Variants in HMG20A observed in about 807,000 individuals in gnomAD.
HMG20A encodes high mobility group 20A.
Under a neutral mutation model 43.9 loss-of-function variants are expected in HMG20A, and 17 were observed. The observed-to-expected ratio is 0.39, with a 90% CI of 0.27 to 0.58. HMG20A has a LOEUF of 0.58. Ranked by LOEUF, HMG20A falls within the 20% of genes least tolerant of loss-of-function variation. The probability of loss-of-function intolerance (pLI) is 0.59; values close to 1 mark genes in which losing one functional copy is unlikely to be tolerated. For synonymous variants in HMG20A, 132 were observed against 147.5 expected (o/e 0.89, Z 0.76); for missense variants, 341 against 438.2 (o/e 0.78, Z 1.98).
the HMG20A span, among the ~76,000 whole-genome samples, chr15:77,508,979 G>A: frequency 1.3e-5 from 2 of 152,188 alleles, no homozygotes; most frequent in Non-Finnish European, 2.9e-5. Flanking sequence ...TGGCCCCTTT[G>A]TTAACTCAGC....
chr15:77,470,763 C>G (rs886494675), intron 4 of HMG20A, 147 bp from the exon 5 acceptor site: 1 of 601,632 alleles, frequency 1.7e-6, no homozygotes, highest in East Asian at 3.3e-5. Flanking sequence ...TCATACAACT[C>G]TTGTTTTTCT....
chr15:77,422,235 C>G (rs1325732899), intron 1 of HMG20A, among the ~76,000 whole-genome samples: 1 of 152,108 alleles, frequency 6.6e-6, no homozygotes, highest in Non-Finnish European at 1.5e-5. Flanking sequence ...TATTGTCTTG[C>G]AAGAATTTTT....
intron 6 of HMG20A, among the ~76,000 whole-genome samples, chr15:77,472,571 G>A (rs1452380799): frequency 1.3e-5 from 2 of 152,224 alleles, no homozygotes; most frequent in African/African-American, 4.8e-5. Context: ...ACCACGCCCG[G>A]CCCAGTATCT....
the HMG20A span, among the ~76,000 whole-genome samples, chr15:77,503,133 C>A: frequency 6.6e-6 from 1 of 152,156 alleles, no homozygotes. Context: ...CAGCCTCCCT[C>A]CAGTTCATCC....
At chr15:77,450,494 A>G (rs778929153) in intron 1 of HMG20A, among the ~76,000 whole-genome samples, 2 of 152,168 alleles carry the variant, frequency 1.3e-5, no homozygotes, top group Non-Finnish European at 2.9e-5. Flanking sequence ...CAAAGATGTC[A>G]CTCAGCCACC....
chr15:77,493,300 TAAAATG>T, the HMG20A span, among the ~76,000 whole-genome samples: 1 of 152,000 alleles, frequency 6.6e-6, no homozygotes, highest in African/African-American at 2.4e-5. Flanking sequence ...AAGTGACACT[TAAAATG>T]AAAAACCAGT....
In HMG20A at chr15:77,445,459, C is replaced by G. The variant is rs144269166; in HGVS notation, c.-4-12945C>G. On this transcript the variant is annotated intron_variant, in intron 1 of 9. Coordinates refer to ENST00000336216, the MANE Select transcript of HMG20A (RefSeq NM_001304504.2). ...ATCCCAAGACCCCCGGTAGGATGCC[C>G]GAAACCATGGATAGTAACAAATCCT... 1.1e-3 allele frequency among the ~76,000 whole-genome samples: 165 copies of G among 152,266 alleles called. No individual in the cohort carries two copies. The East Asian group carries it at 0.019, about 17-fold the overall frequency.
chr15:77,460,289 CAG>C (rs2072693589), intron 2 of HMG20A, among the ~76,000 whole-genome samples: 1 of 152,066 alleles, frequency 6.6e-6, no homozygotes, highest in East Asian at 1.9e-4. Flanking sequence ...GTATACCAAA[CAG>C]AATTTGCCTG....
chr15:77,473,992 C>A (rs781237926), intron 6 of HMG20A, among the ~76,000 whole-genome samples: 54 of 152,084 alleles, frequency 3.6e-4, no homozygotes, highest in Admixed American at 7.9e-4. Context: ...AATTTTAGAA[C>A]AATTGCAGTA....
chr15:77,462,721 G>C (rs778441886), intron 2 of HMG20A, among the ~76,000 whole-genome samples: 1 of 148,316 alleles, frequency 6.7e-6, no homozygotes, highest in Non-Finnish European at 1.5e-5. Context: ...AAGTCAATCA[G>C]TCATTAAGTT....
At chr15:77,449,003 C>T (rs902330204) in intron 1 of HMG20A, among the ~76,000 whole-genome samples, 12 of 152,020 alleles carry the variant, frequency 7.9e-5, no homozygotes, top group African/African-American at 2.9e-4. Context: ...AAGCAGAGAT[C>T]AAGCCACTGC....
intron 1 of HMG20A, among the ~76,000 whole-genome samples, chr15:77,424,633 C>T (rs1342822131): frequency 4.6e-5 from 7 of 152,216 alleles, no homozygotes; most frequent in Admixed American, 2.6e-4. Context: ...ATTTTCCCCA[C>T]AGTATGGGAT....
At position 77,454,948 on chromosome 15, in the gene HMG20A, G is replaced by A. The variant is rs78539469; in HGVS notation, c.-4-3456G>A. On this transcript the variant is annotated intron_variant, in intron 1 of 9. Transcript: ENST00000336216. Reference sequence around the variant, plus strand: ...TAAAGGCTGTAATATGGAAAATGAGGTTGAGATGGGCAGAATCCCACCTCT... The same window carrying A: ...TAAAGGCTGTAATATGGAAAATGAGATTGAGATGGGCAGAATCCCACCTCT... 7.2e-3 allele frequency among the ~76,000 whole-genome samples: 1,100 copies of A among 152,138 alleles called. 15 individuals are homozygous for A. Among genetic ancestry groups the A allele is most frequent in the African/African-American group, 0.025 (1,044 of 41,486 alleles).
intron 9 of HMG20A, among the ~76,000 whole-genome samples, chr15:77,481,677 A>G (rs1287697707): frequency 1.3e-5 from 2 of 152,174 alleles, no homozygotes; most frequent in Non-Finnish European, 2.9e-5. Flanking sequence ...TTTAACCTAC[A>G]AATATTTTGC....
the HMG20A span, among the ~76,000 whole-genome samples, chr15:77,507,967 C>G: frequency 6.6e-6 from 1 of 152,144 alleles, no homozygotes; most frequent in Non-Finnish European, 1.5e-5. Flanking sequence ...CCAAGCACAC[C>G]TCTGTGAGTC....
At chr15:77,502,342 C>G in the HMG20A span, among the ~76,000 whole-genome samples, 1 of 152,322 alleles carries the variant, frequency 6.6e-6, no homozygotes, top group South Asian at 2.1e-4. Context: ...CCCTTGTTCC[C>G]TAAACACACC....
At chr15:77,507,060 C>T in the HMG20A span, among the ~76,000 whole-genome samples, 3 of 152,332 alleles carry the variant, frequency 2.0e-5, no homozygotes, top group East Asian at 1.9e-4. Flanking sequence ...GTTGAAGGTT[C>T]GAACAGAATA....
chr15:77,470,813 C>G, intron 4 of HMG20A, 97 bp from the exon 5 acceptor site: 1 of 1,053,596 alleles, frequency 9.5e-7, no homozygotes, highest in Non-Finnish European at 1.3e-6. Flanking sequence ...TCTTTTCTTC[C>G]CATGTTCTAA....
At chr15:77,423,123 A>C (rs1428062555) in intron 1 of HMG20A, among the ~76,000 whole-genome samples, 1 of 152,196 alleles carries the variant, frequency 6.6e-6, no homozygotes, top group Admixed American at 6.5e-5. Context: ...GAAGAAATAC[A>C]GTATAATAGA....
Sources: gnomAD v4.1 joint callset for allele counts (sites outside exome capture counted in the v4.1 genomes callset) on GRCh38, gnomAD v4.1.1 for gene constraint, MANE v1.5 for transcripts, NCBI Gene and HGNC (gene_info 2026-07-23, HGNC 2026-07-21) for gene names.